Variants in RARS2 observed in about 807,000 individuals in gnomAD.
RARS2 encodes the protein probable arginine--tRNA ligase, mitochondrial.
RARS2 carries 67 observed loss-of-function variants against 88.5 expected under a neutral mutation model. The ratio of observed to expected loss-of-function variants is 0.76; its 90% confidence interval spans 0.62 to 0.93. The LOEUF (loss-of-function observed/expected upper bound fraction) is 0.93, where lower values mean the gene tolerates loss of function less well. Among genes scored for constraint, RARS2 ranks in the 40% least tolerant of loss-of-function variants. The probability of loss-of-function intolerance (pLI) is 0.00; values close to 1 mark genes in which losing one functional copy is unlikely to be tolerated. For synonymous variants in RARS2, 239 were observed against 230.3 expected (o/e 1.04, Z -0.34); for missense variants, 664 against 684.2 (o/e 0.97, Z 0.33).
chr6:87,562,130 AAT>A (rs1788025434), intron 4 of RARS2, among the ~76,000 whole-genome samples: 1 of 152,070 alleles, frequency 6.6e-6, no homozygotes, highest in East Asian at 1.9e-4. Flanking sequence ...ATGTGTGGCT[AAT>A]TTTTAAATTT....
Position 87,542,011 on chromosome 6 carries a change from T to C in RARS2, c.536-17A>G, listed in dbSNP as rs547847556. The C allele has an allele frequency of 9.4e-6, 15 of 1,600,094 alleles. No homozygotes were observed. Among genetic ancestry groups the C allele is most frequent in the Non-Finnish European group, 1.3e-5 (15 of 1,167,946 alleles). On this transcript the variant is annotated splice_polypyrimidine_tract_variant and intron_variant, in intron 7 of 19. Coordinates refer to ENST00000369536, the MANE Select transcript of RARS2 (RefSeq NM_020320.5). ...CCAGAAGACCTACCATGATAATCCGTAAATGAAAAATTATAAAGTTGAACA... is the reference window on the plus strand; with the variant it reads ...CCAGAAGACCTACCATGATAATCCGCAAATGAAAAATTATAAAGTTGAACA...
intron 8 of RARS2, among the ~76,000 whole-genome samples, chr6:87,536,355 G>A (rs1779167521): frequency 2.0e-5 from 3 of 151,954 alleles, no homozygotes; most frequent in South Asian, 4.1e-4. Context: ...ATTACTTTTT[G>A]CCTGGGCGTG....
At chr6:87,538,185 G>A (rs1212874750) in intron 8 of RARS2, among the ~76,000 whole-genome samples, 1 of 152,164 alleles carries the variant, frequency 6.6e-6, no homozygotes, top group Non-Finnish European at 1.5e-5. Flanking sequence ...TCCTGCAAAA[G>A]GAGAAGGAAA....
intron 1 of RARS2, chr6:87,584,795 G>A (rs891379934): frequency 2.0e-5 from 9 of 448,044 alleles, no homozygotes; most frequent in South Asian, 3.2e-5. Context: ...GAATCCTTGT[G>A]CAGTTATCTA....
intron 8 of RARS2, among the ~76,000 whole-genome samples, chr6:87,532,461 T>C (rs1448769400): frequency 1.3e-5 from 2 of 152,222 alleles, no homozygotes; most frequent in Non-Finnish European, 2.9e-5. Context: ...AGAGGGTACC[T>C]ACATGACCAA....
chr6:87,589,936 C>A lies in RARS2; in HGVS notation c.22G>T (p.Ala8Ser), dbSNP rs756422212. 5 of 1,614,058 alleles carry A rather than the reference C, an allele frequency of 3.1e-6. No homozygotes were observed. The highest frequency in any genetic ancestry group is 1.7e-5 in the Admixed American group (1 of 60,002). ...GGGATCCATACCTGGCAAGCAATAGCGCGGCGAAAGCCGCACGCCATGTCC... is the reference window on the plus strand; with the variant it reads ...GGGATCCATACCTGGCAAGCAATAGAGCGGCGAAAGCCGCACGCCATGTCC... MACGFRR[A>S]IACQLSRVLN... The change falls in exon 1 of 20, where the codon GCT becomes TCT. Residue 8 changes from alanine to serine, a missense_variant. By Grantham distance (99) the Ala-to-Ser change is moderately conservative. Transcript: ENST00000369536.
chr6:87,558,660 C>T (rs1786791489), intron 4 of RARS2, among the ~76,000 whole-genome samples: 1 of 152,174 alleles, frequency 6.6e-6, no homozygotes, highest in Non-Finnish European at 1.5e-5. Context: ...TAGTGCAATG[C>T]ATTACTCACA....
intron 1 of RARS2, among the ~76,000 whole-genome samples, chr6:87,578,576 C>A (rs75431148): frequency 0.01 from 1,535 of 152,296 alleles, 24 homozygotes; most frequent in African/African-American, 0.033. Context: ...TGTTTACTAA[C>A]TCCACATGGT....
intron 1 of RARS2, among the ~76,000 whole-genome samples, chr6:87,586,718 C>T (rs9450750): frequency 0.32 from 49,063 of 151,924 alleles, 8,014 homozygotes; most frequent in Admixed American, 0.41. Context: ...TCCTTCATTC[C>T]TAAACTATTA....
intron 6 of RARS2, among the ~76,000 whole-genome samples, chr6:87,548,057 T>C (rs1012187005): frequency 6.6e-6 from 1 of 152,168 alleles, no homozygotes; most frequent in Non-Finnish European, 1.5e-5. Flanking sequence ...AAAATTGTTA[T>C]TAAGTAGAAA....
rs780638172 is a variant in RARS2, at chr6:87,518,163, T to C, written c.1511+6A>G. ...CACACTTGATGATCCCTGGAAAACA[T>C]CATACCTGAGAAGATGCTGAAGAAT... On this transcript the variant is annotated splice_donor_region_variant and intron_variant, in intron 17 of 19. Transcript: ENST00000369536. The C allele has an allele frequency of 1.4e-5, 22 of 1,614,110 alleles. No individual in the cohort carries two copies. The East Asian group carries it at 4.9e-4, about 36-fold the overall frequency.
chr6:87,519,793 C>A lies in RARS2; in HGVS notation c.1113-86G>T, dbSNP rs1280199041. On this transcript the variant is annotated intron_variant, in intron 13 of 19. Coordinates refer to ENST00000369536, the MANE Select transcript of RARS2 (RefSeq NM_020320.5). ...AATACCTTTCAGAGAGTGGTTTGAA[C>A]TTTAACCATCAGAGCAGAGTTTTTA... 20 of 1,489,360 alleles carry A rather than the reference C, an allele frequency of 1.3e-5. 1 individual carries two copies. The South Asian group carries it at 1.8e-4, about 14-fold the overall frequency. 92.3% of individuals were successfully genotyped at this position (1,489,360 alleles called of 1,614,324 possible).
chr6:87,522,184 G>A (rs1019635433), intron 11 of RARS2, among the ~76,000 whole-genome samples: 1 of 152,026 alleles, frequency 6.6e-6, no homozygotes, highest in Non-Finnish European at 1.5e-5. Context: ...ACAAAAATTA[G>A]CTGGGCGTGG....
intron 1 of RARS2, among the ~76,000 whole-genome samples, chr6:87,583,976 G>A (rs933982743): frequency 3.9e-5 from 6 of 152,286 alleles, no homozygotes; most frequent in South Asian, 2.1e-4. Flanking sequence ...AGTGTTGAGC[G>A]ACAAATCCTC....
chr6:87,589,921 C>G lies in RARS2; in HGVS notation c.36+1G>C. 1 of 1,614,240 alleles carries G rather than the reference C, an allele frequency of 6.2e-7. No individual in the cohort carries two copies. The highest frequency in any genetic ancestry group is 1.1e-5 in the South Asian group (1 of 91,092). ...TCCTCTGCGCGCTCCGGGATCCATACCTGGCAAGCAATAGCGCGGCGAAAG... is the reference window on the plus strand; with the variant it reads ...TCCTCTGCGCGCTCCGGGATCCATAGCTGGCAAGCAATAGCGCGGCGAAAG... On this transcript the variant is annotated splice_donor_variant, in intron 1 of 19. Transcript: ENST00000369536. LOFTEE classifies it high-confidence loss of function.
Position 87,521,473 on chromosome 6 carries a change from C to T in RARS2, c.1026G>A (p.Met342Ile), listed in dbSNP as rs34647222. ...TGTTCTGATTACTTACCACATATATCATTGTATCAAAATTATACTTGTCCA... is the reference window on the plus strand; with the variant it reads ...TGTTCTGATTACTTACCACATATATTATTGTATCAAAATTATACTTGTCCA... ...DRMDKYNFDT[M>I]IYVTDKGQKK... The change falls in exon 12 of 20, where the codon ATG becomes ATA. Residue 342 changes from methionine (M) to isoleucine (I), a missense_variant. By Grantham distance (10) the Met-to-Ile change is conservative. Transcript: ENST00000369536. 289 of 1,605,816 alleles carry T rather than the reference C, an allele frequency of 1.8e-4. No homozygotes were observed. The highest frequency in any genetic ancestry group is 6.6e-4 in the Middle Eastern group (4 of 6,034).
rs1399472188 is a variant in RARS2 at position 87,527,084 on chromosome 6, G to A, written c.879-2432C>T. 3.9e-5 allele frequency among the ~76,000 whole-genome samples: 6 copies of A among 152,178 alleles called. No individual in the cohort carries two copies. The East Asian group carries it at 1.2e-3, about 30-fold the overall frequency. On this transcript the variant is annotated intron_variant, in intron 10 of 19. Transcript: ENST00000369536. ...CTAGCACTTTGGGAGGCCAAAGCGGGTAGATCAGGAGGTCAGGAGATTGAG... is the reference window on the plus strand; with the variant it reads ...CTAGCACTTTGGGAGGCCAAAGCGGATAGATCAGGAGGTCAGGAGATTGAG...
chr6:87,542,092 C>CA lies in RARS2; in HGVS notation c.536-99dup, dbSNP rs1735054254. 23 of 891,708 alleles carry CA rather than the reference C, an allele frequency of 2.6e-5. 2 individuals carry two copies. In the South Asian group the frequency reaches 3.1e-4, roughly 12 times the overall value. 55.2% of individuals were successfully genotyped at this position (891,708 alleles called of 1,614,324 possible). ...TAATTCTATAAAAAGACCAACCTGT[C>CA]ATATTATGTATCCTGAGAAGTATTA... On this transcript the variant is annotated intron_variant, in intron 7 of 19. Transcript: ENST00000369536.
intron 5 of RARS2, among the ~76,000 whole-genome samples, chr6:87,549,057 T>C (rs74329322): frequency 6.6e-6 from 1 of 151,734 alleles, no homozygotes; most frequent in Non-Finnish European, 1.5e-5. Flanking sequence ...ACAAAAAAAA[T>C]TTTTTTTAGT....
Sources: gnomAD v4.1 joint callset for allele counts (sites outside exome capture counted in the v4.1 genomes callset) on GRCh38, gnomAD v4.1.1 for gene constraint, MANE v1.5 for transcripts, NCBI Gene and HGNC (gene_info 2026-07-23, HGNC 2026-07-21) for gene names.